TRIO: variants seen among roughly 807,000 people sequenced by gnomAD.
TRIO encodes the protein triple functional domain protein.
In TRIO, 58 loss-of-function variants were observed where a neutral mutation model predicts 351.9. The ratio of observed to expected loss-of-function variants is 0.16; its 90% CI spans 0.13 to 0.21. The LOEUF is 0.21. Among genes scored for constraint, TRIO ranks in the 10% least tolerant of loss-of-function variants. The pLI, the probability that TRIO is intolerant of heterozygous loss-of-function variation, is 1.00. For synonymous variants in TRIO, 1,758 were observed against 1,595.7 expected (o/e 1.10, Z -2.42); for missense variants, 3,201 against 4,027.8 (o/e 0.79, Z 5.56).
At chr5:14,395,124 C>A (rs1227150225) in intron 28 of TRIO, among the ~76,000 whole-genome samples, 1 of 152,126 alleles carries the variant, frequency 6.6e-6, no homozygotes, top group Non-Finnish European at 1.5e-5. Context: ...CTCTTCTTTA[C>A]CCTTTTTGTT....
intron 33 of TRIO, among the ~76,000 whole-genome samples, chr5:14,409,821 C>T (rs1238007042): frequency 7.4e-6 from 1 of 135,392 alleles, no homozygotes; most frequent in South Asian, 2.3e-4. Flanking sequence ...GGCGACAGAG[C>T]GAGACTCCAT....
chr5:14,280,263 T>C (rs1195951508), intron 2 of TRIO, 59 bp from the exon 3 acceptor site: 1 of 1,509,330 alleles, frequency 6.6e-7, no homozygotes, highest in African/African-American at 1.4e-5. Flanking sequence ...GAATGGATGA[T>C]AACATAGGAT....
intron 28 of TRIO, among the ~76,000 whole-genome samples, chr5:14,396,718 C>A (rs1747629654): frequency 6.6e-6 from 1 of 151,750 alleles, no homozygotes. Flanking sequence ...GATTCACCCA[C>A]CTCAGCCTCC....
At chr5:14,463,348 A>G (rs1252709023) in intron 36 of TRIO, among the ~76,000 whole-genome samples, 2 of 152,210 alleles carry the variant, frequency 1.3e-5, no homozygotes, top group African/African-American at 4.8e-5. Flanking sequence ...TTCTGGTTTG[A>G]GATGAGGTTA....
chr5:14,456,475 A>AGGGCTGC (rs1753319695), intron 34 of TRIO, among the ~76,000 whole-genome samples: 1 of 152,256 alleles, frequency 6.6e-6, no homozygotes, highest in Non-Finnish European at 1.5e-5. Flanking sequence ...TCGCCTTCAG[A>AGGGCTGC]GGGCTGCTCT....
In TRIO at chr5:14,487,677, C is replaced by G. The variant is rs754870679; in HGVS notation, c.7049C>G (p.Pro2350Arg). The change falls in exon 48 of 57, where the codon CCC (proline) becomes CGC (arginine). Residue 2350 changes from proline (P) to arginine (R), a missense_variant. Physicochemically the swap from Pro to Arg is moderately radical, Grantham distance 103 (BLOSUM62 -2). Transcript: ENST00000344204. ...RIPQPVRHHP[P>R]VLVSSAASSQ... is the part of the protein sequence containing the mutation. ...CCCCAGCCTGTCCGACACCACCCCC[C>G]CGTGCTGGTCTCCTCTGCAGCCTCG... 20 of 1,411,326 alleles carry G rather than the reference C, an allele frequency of 1.4e-5. No homozygotes were observed. The highest frequency in any genetic ancestry group is 1.9e-5 in the Non-Finnish European group (20 of 1,071,234). 87.4% of individuals were successfully genotyped at this position (1,411,326 alleles called of 1,614,324 possible). A position where few individuals can be genotyped will look rare whatever the true frequency, so the allele number is the denominator to read the frequency against.
chr5:14,251,742 T>A (rs962994540), intron 1 of TRIO, among the ~76,000 whole-genome samples: 1 of 152,156 alleles, frequency 6.6e-6, no homozygotes, highest in Admixed American at 6.5e-5. Flanking sequence ...GGGCCTTGAA[T>A]TCACCTGCAG....
intron 20 of TRIO, 21 bp from the exon 21 acceptor site, chr5:14,381,109 A>G (rs370476718): frequency 1.2e-6 from 2 of 1,610,040 alleles, no homozygotes; most frequent in Non-Finnish European, 1.7e-6. Context: ...CTCTGACTCC[A>G]TTCATTCCTT....
intron 1 of TRIO, among the ~76,000 whole-genome samples, chr5:14,186,798 G>C (rs545254042): frequency 1.7e-4 from 26 of 152,018 alleles, no homozygotes; most frequent in Non-Finnish European, 2.1e-4. Context: ...GGCTGGTCTC[G>C]TACTCCTGAC....
rs536881910 is a variant in TRIO at position 14,380,849 on chromosome 5, A to G, written c.3448-281A>G. Among the ~76,000 whole-genome samples, 5 of 152,376 alleles carry G rather than the reference A, an allele frequency of 3.3e-5. No homozygotes were observed. In the East Asian group the frequency reaches 7.7e-4, roughly 23 times the overall value. On this transcript the variant is annotated intron_variant, in intron 20 of 56. Coordinates refer to ENST00000344204, the MANE Select transcript of TRIO (RefSeq NM_007118.4). ...CCATCAGCAATAGACTGGATAAAGA[A>G]AATGTGGCACATATACACCATGGAA...
At chr5:14,415,439 CATT>C (rs757303841) in intron 33 of TRIO, among the ~76,000 whole-genome samples, 20 of 152,260 alleles carry the variant, frequency 1.3e-4, no homozygotes, top group Admixed American at 4.6e-4. Flanking sequence ...ATACATGCCT[CATT>C]GTTGTGTCCA....
intron 1 of TRIO, among the ~76,000 whole-genome samples, chr5:14,224,376 A>G (rs535656143): frequency 7.8e-4 from 119 of 152,122 alleles, no homozygotes; most frequent in African/African-American, 2.7e-3. Flanking sequence ...TTACTCTTGG[A>G]GTAAGGAAGA....
chr5:14,384,093 A>G (rs1160737542), intron 21 of TRIO, among the ~76,000 whole-genome samples: 1 of 152,050 alleles, frequency 6.6e-6, no homozygotes, highest in Non-Finnish European at 1.5e-5. Context: ...GTGGGTGTTT[A>G]TTTAAGAGAG....
intron 1 of TRIO, among the ~76,000 whole-genome samples, chr5:14,161,874 A>T (rs549906804): frequency 1.5e-3 from 235 of 152,228 alleles, no homozygotes; most frequent in Non-Finnish European, 2.7e-3. Flanking sequence ...TTGCAGGTGC[A>T]TACCACTATG....
At chr5:14,460,675 TCCAATGTCCGCAGTA>T (rs1753711120) in intron 34 of TRIO, among the ~76,000 whole-genome samples, 1 of 152,212 alleles carries the variant, frequency 6.6e-6, no homozygotes, top group Non-Finnish European at 1.5e-5. Flanking sequence ...AATTCTGTCC[TCCAATGTCCGCAGTA>T]CCAATGTCCA....
intron 1 of TRIO, among the ~76,000 whole-genome samples, chr5:14,146,229 G>A (rs894683936): frequency 6.6e-6 from 1 of 152,144 alleles, no homozygotes; most frequent in Non-Finnish European, 1.5e-5. Context: ...GGGCAAGGAA[G>A]CTGAGGAGAA....
At chr5:14,209,842 G>T (rs986141827) in intron 1 of TRIO, among the ~76,000 whole-genome samples, 3 of 152,254 alleles carry the variant, frequency 2.0e-5, no homozygotes, top group Non-Finnish European at 2.9e-5. Context: ...ATCAGACTCA[G>T]ATCTTCTGGT....
chr5:14,253,864 A>G (rs1453455220), intron 1 of TRIO, among the ~76,000 whole-genome samples: 1 of 152,232 alleles, frequency 6.6e-6, no homozygotes, highest in Admixed American at 6.5e-5. Flanking sequence ...GACATGTGAC[A>G]TCACAACAGA....
In TRIO at chr5:14,352,384, A is replaced by G. The variant is rs562353009; in HGVS notation, c.2047-5794A>G. The stretch of plus-strand genomic sequence containing the variant: ...ACAACTCTCTTGCTGCTGGGCAAAG[A>G]TTTATCTTTTTATTATAAATTTGCA... On this transcript the variant is annotated intron_variant, in intron 11 of 56. Transcript: ENST00000344204. Among the ~76,000 whole-genome samples, 17 of 152,330 alleles carry G rather than the reference A, an allele frequency of 1.1e-4. No homozygotes were observed. In the South Asian group the frequency reaches 3.5e-3, roughly 32 times the overall value.
Sources: allele counts gnomAD v4.1 joint callset (sites outside exome capture counted in the v4.1 genomes callset), GRCh38; gene constraint gnomAD v4.1.1; transcripts MANE v1.5; gene names NCBI Gene and HGNC (gene_info 2026-07-23, HGNC 2026-07-21).